The following PPP1R21 variants were observed in gnomAD, a reference collection of about 807,000 sequenced individuals.
PPP1R21 encodes the protein protein phosphatase 1 regulatory subunit 21, also known as KLRAQ motif containing 1.
A neutral mutation model predicts 112.8 loss-of-function variants in PPP1R21; 85 were observed. The ratio of observed to expected loss-of-function variants is 0.75; its 90% CI spans 0.63 to 0.90. The LOEUF (loss-of-function observed/expected upper bound fraction) is 0.90, where lower values mean the gene tolerates loss of function less well. Ranked by LOEUF, PPP1R21 falls within the 40% of genes least tolerant of loss-of-function variation. PPP1R21 has a pLI of 0.00. For synonymous variants in PPP1R21, 381 were observed against 322.3 expected (o/e 1.18, Z -1.95); for missense variants, 1,199 against 901.5 (o/e 1.33, Z -4.23).
At chr2:48,474,134 G>A (rs1668638851) in intron 11 of PPP1R21, among the ~76,000 whole-genome samples, 1 of 152,140 alleles carries the variant, frequency 6.6e-6, no homozygotes, top group African/African-American at 2.4e-5. Flanking sequence ...TGTAATCCCA[G>A]CACTTTGGGA....
intron 17 of PPP1R21, among the ~76,000 whole-genome samples, chr2:48,502,446 G>A (rs150757913): frequency 6.7e-6 from 1 of 149,440 alleles, no homozygotes; most frequent in Non-Finnish European, 1.5e-5. Context: ...TCTACTTTCA[G>A]CCTTTCTTTT....
intron 15 of PPP1R21, 46 bp from the exon 16 acceptor site, chr2:48,495,633 G>A (rs755557704): frequency 3.9e-6 from 4 of 1,017,186 alleles, no homozygotes; most frequent in Non-Finnish European, 6.3e-6. Flanking sequence ...CAGGGGAGGG[G>A]TGATACAATA....
At chr2:48,505,242 G>T (rs1250401495) in intron 17 of PPP1R21, among the ~76,000 whole-genome samples, 1 of 152,166 alleles carries the variant, frequency 6.6e-6, no homozygotes, top group Admixed American at 6.5e-5. Context: ...TTGGGAATAG[G>T]TGTAGAAATG....
At chr2:48,441,100 G>C in intron 1 of PPP1R21, 90 bp downstream of exon 1, 1 of 902,516 alleles carries the variant, frequency 1.1e-6, no homozygotes, top group South Asian at 1.4e-5. Flanking sequence ...GGGGTACTGC[G>C]GGAGGGGCAC....
intron 17 of PPP1R21, among the ~76,000 whole-genome samples, chr2:48,502,915 T>C (rs947096816): frequency 5.9e-5 from 9 of 152,008 alleles, no homozygotes; most frequent in Non-Finnish European, 1.0e-4. Flanking sequence ...CTCCTGACCT[T>C]GTGATCCGCC....
chr2:48,470,213 G>T (rs1402535989), intron 9 of PPP1R21, among the ~76,000 whole-genome samples: 1 of 152,032 alleles, frequency 6.6e-6, no homozygotes, highest in African/African-American at 2.4e-5. Context: ...AAGGTTATCA[G>T]TGACAGTTAT....
intron 11 of PPP1R21, 51 bp downstream of exon 11, chr2:48,471,418 A>G (rs752441229): frequency 1.3e-6 from 2 of 1,521,338 alleles, no homozygotes; most frequent in Non-Finnish European, 1.8e-6. Context: ...GTGTAACCTG[A>G]TCTGGCTGGC....
chr2:48,467,082 T>TA (rs1668239772), intron 9 of PPP1R21, among the ~76,000 whole-genome samples: 1 of 152,154 alleles, frequency 6.6e-6, no homozygotes, highest in African/African-American at 2.4e-5. Flanking sequence ...TGTTTAGGAG[T>TA]AAAACAACCT....
intron 4 of PPP1R21, among the ~76,000 whole-genome samples, chr2:48,458,907 A>G (rs1667847177): frequency 6.6e-6 from 1 of 152,044 alleles, no homozygotes; most frequent in Non-Finnish European, 1.5e-5. Context: ...CCTGGCTAAC[A>G]CGGTGAAACC....
chr2:48,443,765 C>G (rs1425402982), intron 1 of PPP1R21, among the ~76,000 whole-genome samples: 1 of 152,228 alleles, frequency 6.6e-6, no homozygotes, highest in African/African-American at 2.4e-5. Context: ...TCTCTCCAGT[C>G]CTATGCCTAA....
chr2:48,483,564 G>C (rs1034027391), intron 13 of PPP1R21, among the ~76,000 whole-genome samples: 5 of 152,196 alleles, frequency 3.3e-5, no homozygotes, highest in Non-Finnish European at 7.3e-5. Flanking sequence ...CATAAAGCTA[G>C]AGGCATCACG....
At chr2:48,504,580 G>A (rs1226728987) in intron 17 of PPP1R21, among the ~76,000 whole-genome samples, 2 of 152,178 alleles carry the variant, frequency 1.3e-5, no homozygotes, top group East Asian at 3.8e-4. Flanking sequence ...GGTGGAGGTT[G>A]CAGTGAGCCT....
chr2:48,479,643 CTT>C (rs1249399794), intron 12 of PPP1R21: 1 of 598,094 alleles, frequency 1.7e-6, no homozygotes, highest in Non-Finnish European at 3.2e-6. Context: ...TTCACAAAGA[CTT>C]TCGTTTTACA....
At position 48,498,739 on chromosome 2, in the gene PPP1R21, A is replaced by G. The variant is rs766226733; in HGVS notation, c.1935+4A>G. On this transcript the variant is annotated splice_donor_region_variant and intron_variant, in intron 17 of 21. Transcript: ENST00000294952. The stretch of plus-strand genomic sequence containing the variant: ...GCCCATTCAGAGCACCAGTCTAGTA[A>G]GTGTCTTCTTGGTTGTCCTCAGTTT... 2 of 1,613,428 alleles carry G rather than the reference A, an allele frequency of 1.2e-6. No homozygotes were observed. Among genetic ancestry groups the G allele is most frequent in the South Asian group, 1.1e-5 (1 of 91,012 alleles).
chr2:48,496,936 C>T (rs529773624), intron 16 of PPP1R21, among the ~76,000 whole-genome samples: 1 of 152,352 alleles, frequency 6.6e-6, no homozygotes, highest in East Asian at 1.9e-4. Context: ...GGAAAGTCTG[C>T]ACCCCTTCCT....
intron 13 of PPP1R21, among the ~76,000 whole-genome samples, chr2:48,485,120 C>A (rs146932172): frequency 2.6e-5 from 4 of 152,140 alleles, no homozygotes; most frequent in African/African-American, 9.6e-5. Context: ...GGAGATTTCT[C>A]TCATTTTTAG....
chr2:48,487,760 CAAAA>C (rs199685338), intron 14 of PPP1R21, among the ~76,000 whole-genome samples: 4 of 74,554 alleles, frequency 5.4e-5, no homozygotes, highest in Admixed American at 1.6e-4. Flanking sequence ...GACCCTATCT[CAAAA>C]AAAAAAAAAA....
chr2:48,487,040 C>G (rs1669333329), intron 14 of PPP1R21, among the ~76,000 whole-genome samples: 1 of 152,152 alleles, frequency 6.6e-6, no homozygotes, highest in Non-Finnish European at 1.5e-5. Flanking sequence ...ATGCTGCTTT[C>G]CTACCTAATG....
At position 48,498,649 on chromosome 2, in the gene PPP1R21, C is replaced by G. The variant is rs1475851722; in HGVS notation, c.1849C>G (p.Gln617Glu). Residue 617 changes from glutamine (Q) to glutamate (E), a missense_variant, in exon 17 of 22, where the codon CAG (glutamine) becomes GAG (glutamate). Gln to Glu is a conservative substitution (Grantham distance 29, BLOSUM62 2). Transcript: ENST00000294952. ...TGSAQLVGLAQENAAVSNTAG... is the reference protein window; with the variant it reads ...TGSAQLVGLAEENAAVSNTAG... ...TAGTGCCCAGCTGGTTGGGCTGGCC[C>G]AGGAAAATGCTGCTGTGTCAAATAC... is the stretch of plus-strand genomic sequence containing the variant. 6.2e-7 allele frequency: 1 copy of G among 1,614,088 alleles called. No homozygotes were observed. The highest frequency in any genetic ancestry group is 1.3e-5 in the African/African-American group (1 of 74,930).
Sources: gnomAD v4.1 joint callset for allele counts (sites outside exome capture counted in the v4.1 genomes callset) on GRCh38, gnomAD v4.1.1 for gene constraint, MANE v1.5 for transcripts, NCBI Gene and HGNC (gene_info 2026-07-23, HGNC 2026-07-21) for gene names.